The following ZNF410 variants were observed in gnomAD, a reference collection of about 807,000 sequenced individuals.
ZNF410 encodes the protein zinc finger protein 410.
A neutral mutation model predicts 54.8 loss-of-function variants in ZNF410; 18 were observed. The ratio of observed to expected loss-of-function variants is 0.33; its 90% CI spans 0.23 to 0.49. The LOEUF (loss-of-function observed/expected upper bound fraction) is 0.49. Ranked by LOEUF, ZNF410 falls within the 20% of genes least tolerant of loss-of-function variation. The pLI, the probability that ZNF410 is intolerant of heterozygous loss-of-function variation, is 0.99. For missense variants in ZNF410, 405 were observed against 569.6 expected, an observed-to-expected ratio of 0.71 and a Z score of 2.94; for synonymous variants, 191 against 207.3, an observed-to-expected ratio of 0.92 and a Z score of 0.68.
intron 6 of ZNF410, among the ~76,000 whole-genome samples, chr14:73,904,607 A>C (rs989254161): frequency 2.0e-5 from 3 of 152,000 alleles, no homozygotes; most frequent in Non-Finnish European, 4.4e-5. Context: ...ACAGGCTTGC[A>C]CCACCACACC....
chr14:73,905,968 C>CACACACATAT (rs1461702433), intron 7 of ZNF410, among the ~76,000 whole-genome samples: 15 of 78,932 alleles, frequency 1.9e-4, no homozygotes, highest in African/African-American at 5.5e-4. Flanking sequence ...CACACACACA[C>CACACACATAT]ATATATATAT....
At chr14:73,891,227 A>G (rs2055226036) in intron 1 of ZNF410, among the ~76,000 whole-genome samples, 1 of 152,152 alleles carries the variant, frequency 6.6e-6, no homozygotes, top group Non-Finnish European at 1.5e-5. Context: ...AGCTGTATGA[A>G]TCTCCTTTTA....
chr14:73,889,893 T>C (rs549537849), intron 1 of ZNF410, among the ~76,000 whole-genome samples: 22 of 149,540 alleles, frequency 1.5e-4, no homozygotes, highest in South Asian at 1.3e-3. Flanking sequence ...ATCTCCTAGG[T>C]CCAAGCGATT....
At chr14:73,894,850 G>A (rs758712420) in intron 3 of ZNF410, among the ~76,000 whole-genome samples, 3 of 152,150 alleles carry the variant, frequency 2.0e-5, no homozygotes, top group Non-Finnish European at 2.9e-5. Context: ...TTATGCTAAG[G>A]GGAAAGAACC....
intron 9 of ZNF410, 45 bp from the exon 10 acceptor site, chr14:73,922,021 C>T: frequency 2.5e-6 from 4 of 1,603,586 alleles, no homozygotes; most frequent in Non-Finnish European, 3.4e-6. Context: ...GGACCAGGCA[C>T]AGCCTTGATT....
intron 1 of ZNF410, among the ~76,000 whole-genome samples, chr14:73,889,935 T>C (rs2055201650): frequency 6.6e-6 from 1 of 151,814 alleles, no homozygotes; most frequent in Non-Finnish European, 1.5e-5. Flanking sequence ...TAGCTGGGTC[T>C]GCAGGCACAT....
chr14:73,928,744 G>C (rs1389984163), intron 11 of ZNF410, among the ~76,000 whole-genome samples: 1 of 152,110 alleles, frequency 6.6e-6, no homozygotes, highest in Non-Finnish European at 1.5e-5. Flanking sequence ...AGAAGTTCGA[G>C]ACAAGCCTGG....
intron 3 of ZNF410, among the ~76,000 whole-genome samples, chr14:73,894,762 G>A (rs1452413140): frequency 6.6e-6 from 1 of 152,048 alleles, no homozygotes; most frequent in Non-Finnish European, 1.5e-5. Flanking sequence ...CTCCTGGTAC[G>A]AGAAGGAAAA....
intron 1 of ZNF410, among the ~76,000 whole-genome samples, chr14:73,890,177 A>G (rs941871613): frequency 1.3e-5 from 2 of 149,768 alleles, no homozygotes; most frequent in Non-Finnish European, 3.0e-5. Context: ...GGACAAAAAA[A>G]CATTTATTCA....
At chr14:73,910,844 A>G (rs2055565679) in intron 8 of ZNF410, among the ~76,000 whole-genome samples, 1 of 137,930 alleles carries the variant, frequency 7.3e-6, no homozygotes. Flanking sequence ...CCTGGGTGAC[A>G]GGGCGAGACC....
In ZNF410 at chr14:73,931,616, C is replaced by T. The variant is rs1352907692; in HGVS notation, c.*75C>T. 1.5e-6 allele frequency: 2 copies of T among 1,355,226 alleles called. No homozygotes were observed. Among genetic ancestry groups the T allele is most frequent in the African/African-American group, 1.5e-5 (1 of 68,910 alleles). The allele number at this position is 1,355,226 out of a possible 1,614,324, so 84.0% of individuals were successfully genotyped here. On this transcript the variant is annotated 3_prime_UTR_variant, in exon 12 of 12. Coordinates refer to ENST00000555044, the MANE Select transcript of ZNF410 (RefSeq NM_021188.3). ...GTATACTGGGAACAGGATGCCTTAGCCCACAACAGAACCAGAATGAATCTT... is the reference window on the plus strand; with the variant it reads ...GTATACTGGGAACAGGATGCCTTAGTCCACAACAGAACCAGAATGAATCTT...
At position 73,903,617 on chromosome 14, in the gene ZNF410, C is replaced by T. The variant is rs2055439619; in HGVS notation, c.581-343C>T. On this transcript the variant is annotated intron_variant, in intron 5 of 11. Transcript: ENST00000555044. ...TGATCTTCCTGCCTCAGCCTTGGAG[C>T]CTCAACTACAGGACTGCGCCACCAT... 4 of 215,216 alleles carry T rather than the reference C, an allele frequency of 1.9e-5. No homozygotes were observed. In the Admixed American group the frequency reaches 2.2e-4, roughly 12 times the overall value. The allele number at this position is 215,216 out of a possible 1,614,324, so 13.3% of individuals were successfully genotyped here. A position where few individuals can be genotyped will look rare whatever the true frequency, so the allele number is the denominator to read the frequency against.
At chr14:73,899,079 A>T (rs900359019) in intron 5 of ZNF410, among the ~76,000 whole-genome samples, 3 of 152,088 alleles carry the variant, frequency 2.0e-5, no homozygotes, top group Non-Finnish European at 2.9e-5. Context: ...ACATGGTTTA[A>T]TGCTATCATT....
intron 8 of ZNF410, 113 bp downstream of exon 8, chr14:73,909,543 T>C (rs1400499036): frequency 8.9e-6 from 7 of 782,896 alleles, no homozygotes; most frequent in Non-Finnish European, 1.4e-5. Flanking sequence ...ACTATAAAGA[T>C]AGAAAGCTTC....
intron 8 of ZNF410, 139 bp from the exon 9 acceptor site, chr14:73,920,841 A>G (rs2055744942): frequency 4.6e-6 from 5 of 1,097,036 alleles, no homozygotes; most frequent in Non-Finnish European, 6.5e-6. Context: ...GAAGTTTGAG[A>G]GGCTGGGAAG....
rs534183383 is a variant in ZNF410 at position 73,908,728 on chromosome 14, T to A, written c.914-613T>A. ...TTTTAGATGAACTCAGAAATTCAGC[T>A]GCTTACAAAAATTACTGCAACGGAG... On this transcript the variant is annotated intron_variant, in intron 7 of 11. Transcript: ENST00000555044. 5.9e-5 allele frequency among the ~76,000 whole-genome samples: 9 copies of A among 152,352 alleles called. No homozygotes were observed. The South Asian group carries it at 1.7e-3, about 28-fold the overall frequency.
chr14:73,926,965 G>C (rs1566668086), intron 11 of ZNF410: 1 of 152,566 alleles, frequency 6.6e-6, no homozygotes. Context: ...TTGATCTTAA[G>C]ATTGACTGGT....
At chr14:73,894,948 A>C (rs1028331516) in intron 3 of ZNF410, among the ~76,000 whole-genome samples, 1 of 152,096 alleles carries the variant, frequency 6.6e-6, no homozygotes, top group African/African-American at 2.4e-5. Context: ...GGATAGCTTG[A>C]GCCCAGGAGA....
At chr14:73,898,803 C>T (rs900577149) in intron 5 of ZNF410, among the ~76,000 whole-genome samples, 10 of 152,226 alleles carry the variant, frequency 6.6e-5, no homozygotes, top group African/African-American at 2.2e-4. Context: ...GCCTATACTA[C>T]TTACTCTGTG....
Sources: allele counts gnomAD v4.1 joint callset (sites outside exome capture counted in the v4.1 genomes callset), GRCh38; gene constraint gnomAD v4.1.1; transcripts MANE v1.5; gene names NCBI Gene and HGNC (gene_info 2026-07-23, HGNC 2026-07-21).